XRCC5: variants seen among roughly 807,000 people sequenced by gnomAD.
The protein encoded by XRCC5 is DNA repair protein Ku80.
Under a neutral mutation model 95.7 loss-of-function variants are expected in XRCC5, and 12 were observed. The ratio of observed to expected loss-of-function variants is 0.13; its 90% CI spans 0.08 to 0.20. The LOEUF (loss-of-function observed/expected upper bound fraction) is 0.20, where lower values mean the gene tolerates loss of function less well. Among genes scored for constraint, XRCC5 ranks in the 10% least tolerant of loss-of-function variants. The probability of loss-of-function intolerance (pLI) is 1.00; values close to 1 mark genes in which losing one functional copy is unlikely to be tolerated. For synonymous variants in XRCC5, 281 were observed against 290.3 expected, an observed-to-expected ratio of 0.97 and a Z score of 0.33; for missense variants, 595 against 873.9, an observed-to-expected ratio of 0.68 and a Z score of 4.02.
chr2:216,195,995 C>T (rs969632798), intron 19 of XRCC5, among the ~76,000 whole-genome samples: 1 of 152,088 alleles, frequency 6.6e-6, no homozygotes, highest in African/African-American at 2.4e-5. Context: ...AATAACTATA[C>T]ACACTAAGGG....
intron 16 of XRCC5, among the ~76,000 whole-genome samples, chr2:216,185,892 T>G (rs895254700): frequency 6.6e-6 from 1 of 152,170 alleles, no homozygotes; most frequent in Non-Finnish European, 1.5e-5. Flanking sequence ...CCCAAGGTGC[T>G]AGGGTTACAG....
intron 16 of XRCC5, among the ~76,000 whole-genome samples, chr2:216,169,581 T>G (rs1689116576): frequency 6.6e-6 from 1 of 152,176 alleles, no homozygotes; most frequent in African/African-American, 2.4e-5. Context: ...AAGAAAAACC[T>G]TTTGGCAGTT....
At chr2:216,158,500 CTGA>C (rs1688889225) in intron 14 of XRCC5, among the ~76,000 whole-genome samples, 4 of 152,284 alleles carry the variant, frequency 2.6e-5, no homozygotes, top group African/African-American at 9.6e-5. Context: ...ATGACTGGCT[CTGA>C]CCTTTTTTTT....
rs372391184 is a variant in XRCC5, at chr2:216,141,169, C to T, written c.1343-17C>T. The T allele has an allele frequency of 6.8e-5, 109 of 1,607,502 alleles. No homozygotes were observed. Among genetic ancestry groups the T allele is most frequent in the Non-Finnish European group, 8.6e-5 (101 of 1,178,154 alleles). On this transcript the variant is annotated splice_polypyrimidine_tract_variant and intron_variant, in intron 12 of 20. Transcript: ENST00000392132. The stretch of plus-strand genomic sequence containing the variant: ...ATAATGGAAATAATCATTTTTCTTT[C>T]GGCTTCTCTGTTTAAGAGGCACAGT...
chr2:216,192,780 A>T, intron 18 of XRCC5, 45 bp downstream of exon 18: 3 of 1,305,370 alleles, frequency 2.3e-6, no homozygotes, highest in Non-Finnish European at 3.1e-6. Flanking sequence ...TTTTTAAAAT[A>T]CTTATGCTAT....
chr2:216,152,062 G>A (rs539222921), intron 14 of XRCC5, among the ~76,000 whole-genome samples: 8 of 152,160 alleles, frequency 5.3e-5, no homozygotes, highest in Non-Finnish European at 1.0e-4. Context: ...ACTATCACAA[G>A]ATTAGCATGA....
intron 2 of XRCC5, 58 bp from the exon 3 acceptor site, chr2:216,116,601 T>A: frequency 6.2e-7 from 1 of 1,604,608 alleles, no homozygotes; most frequent in Non-Finnish European, 8.5e-7. Flanking sequence ...AGGTTAGGTA[T>A]TTTATTGCTT....
chr2:216,156,502 A>G (rs1263138478), intron 14 of XRCC5: 2 of 633,174 alleles, frequency 3.2e-6, no homozygotes, highest in Non-Finnish European at 6.2e-6. Context: ...GCATTCAATC[A>G]CAGCAAAACA....
chr2:216,202,282 GCC>G (rs1689846556), intron 19 of XRCC5, among the ~76,000 whole-genome samples: 1 of 152,180 alleles, frequency 6.6e-6, no homozygotes. Flanking sequence ...TTATCCTGTA[GCC>G]ATATAGTCCT....
At chr2:216,119,946 C>G (rs1696776028) in intron 5 of XRCC5, among the ~76,000 whole-genome samples, 1 of 152,184 alleles carries the variant, frequency 6.6e-6, no homozygotes, top group Non-Finnish European at 1.5e-5. Context: ...TATTAATCTT[C>G]TGGGAATACT....
intron 16 of XRCC5, among the ~76,000 whole-genome samples, chr2:216,173,515 T>C (rs550103802): frequency 1.3e-5 from 2 of 152,340 alleles, no homozygotes; most frequent in East Asian, 1.9e-4. Context: ...AATTGACTTA[T>C]AGTTGTTAAA....
At chr2:216,154,818 C>T (rs1333205082) in intron 14 of XRCC5, among the ~76,000 whole-genome samples, 1 of 152,074 alleles carries the variant, frequency 6.6e-6, no homozygotes, top group Non-Finnish European at 1.5e-5. Flanking sequence ...GCTCTAATGG[C>T]CTCCCATTAT....
At chr2:216,112,396 C>T (rs1356449601) in intron 1 of XRCC5, among the ~76,000 whole-genome samples, 1 of 152,102 alleles carries the variant, frequency 6.6e-6, no homozygotes, top group Admixed American at 6.5e-5. Flanking sequence ...TCTCTCAGTG[C>T]CCAGTGCATA....
In XRCC5 at chr2:216,162,038, C is replaced by T. The variant is rs763055028; in HGVS notation, c.1824C>T (p.Ser608=). The T allele has an allele frequency of 6.2e-7, 1 of 1,614,106 alleles. No individual in the cohort carries two copies. The highest frequency in any genetic ancestry group is 1.3e-5 in the African/African-American group (1 of 75,034). The change falls in exon 16 of 21, where the codon AGC becomes AGT. Residue 608 remains serine, a synonymous_variant. Coordinates refer to ENST00000392132, the MANE Select transcript of XRCC5 (RefSeq NM_021141.4). ...FRVLVKQKKA[S]FEEASNQLIN... ...TTCTAGTGAAACAGAAGAAGGCCAG[C>T]TTTGAGGAAGGTGAGTGGTTGACTT...
intron 14 of XRCC5, among the ~76,000 whole-genome samples, chr2:216,153,873 C>A (rs1344413783): frequency 6.6e-6 from 1 of 152,226 alleles, no homozygotes; most frequent in Non-Finnish European, 1.5e-5. Flanking sequence ...AACTAAATAG[C>A]TTAGGTGCCT....
intron 8 of XRCC5, among the ~76,000 whole-genome samples, chr2:216,129,729 A>G (rs1696951732): frequency 6.6e-6 from 1 of 152,230 alleles, no homozygotes; most frequent in Admixed American, 6.5e-5. Flanking sequence ...ACTGGAGTAC[A>G]GTGGTGTGAT....
Position 216,116,746 on chromosome 2 carries a change from C to G in XRCC5, c.223C>G (p.Gln75Glu). ...TCCCCTTTCTGGTGGGGATCAGTAT[C>G]AGAACATCACAGTGCACAGACATCT... ...DNPLSGGDQY[Q>E]NITVHRHLML... Residue 75 changes from glutamine (Q) to glutamate (E), a missense_variant, in exon 3 of 21, where the codon CAG becomes GAG. By Grantham distance (29) the Gln-to-Glu change is conservative. Coordinates refer to ENST00000392132, the MANE Select transcript of XRCC5 (RefSeq NM_021141.4). 1 of 1,614,216 alleles carries G rather than the reference C, an allele frequency of 6.2e-7. No homozygotes were observed. The highest frequency in any genetic ancestry group is 8.5e-7 in the Non-Finnish European group (1 of 1,180,032).
intron 16 of XRCC5, among the ~76,000 whole-genome samples, chr2:216,172,842 A>G (rs1689194782): frequency 6.6e-6 from 1 of 152,160 alleles, no homozygotes; most frequent in Non-Finnish European, 1.5e-5. Context: ...GAGTTAAGGG[A>G]AAATTGCCAT....
chr2:216,150,579 A>G (rs1409712753), intron 14 of XRCC5, among the ~76,000 whole-genome samples: 1 of 152,128 alleles, frequency 6.6e-6, no homozygotes, highest in Admixed American at 6.6e-5. Context: ...TATACTGAAT[A>G]CTGTAGGCAT....
Sources: gnomAD v4.1 joint callset for allele counts (sites outside exome capture counted in the v4.1 genomes callset) on GRCh38, gnomAD v4.1.1 for gene constraint, MANE v1.5 for transcripts, NCBI Gene and HGNC (gene_info 2026-07-23, HGNC 2026-07-21) for gene names.